Variants in WDR41 observed in about 807,000 individuals in gnomAD.
The protein encoded by WDR41 is WD repeat-containing protein 41.
WDR41 carries 63 observed loss-of-function variants against 69.3 expected under a neutral mutation model. The observed-to-expected ratio is 0.91, with a 90% CI of 0.74 to 1.12. The LOEUF is 1.12. Ranked by LOEUF, WDR41 falls within the 50% of genes most tolerant of loss-of-function variation. The pLI is 0.00. For synonymous variants in WDR41, 185 were observed against 192.1 expected, an observed-to-expected ratio of 0.96 and a Z score of 0.31; for missense variants, 543 against 534.5, an observed-to-expected ratio of 1.02 and a Z score of -0.16.
chr5:77,473,860 T>C (rs1391232320), intron 2 of WDR41, among the ~76,000 whole-genome samples: 1 of 151,972 alleles, frequency 6.6e-6, no homozygotes, highest in Non-Finnish European at 1.5e-5. Context: ...CTTCAACCAT[T>C]GTGGAAGTCA....
intron 1 of WDR41, among the ~76,000 whole-genome samples, chr5:77,610,894 C>T (rs1744532679): frequency 6.6e-6 from 1 of 151,938 alleles, no homozygotes; most frequent in African/African-American, 2.4e-5. Context: ...CATCAGTGTG[C>T]TGTATTCAGG....
chr5:77,495,138 T>G (rs888596733), upstream of WDR41, among the ~76,000 whole-genome samples: 2 of 152,188 alleles, frequency 1.3e-5, no homozygotes, highest in African/African-American at 4.8e-5. Flanking sequence ...AAAGCAGTAC[T>G]TAAAGGGAAA....
rs1339832303 is a variant in WDR41 at position 77,582,311 on chromosome 5, A to G, written c.42+38168T>C. 6.9e-6 allele frequency: 10 copies of G among 1,443,020 alleles called. No individual in the cohort carries two copies. The African/African-American group carries it at 1.4e-4, about 20-fold the overall frequency. 89.4% of individuals were successfully genotyped at this position (1,443,020 alleles called of 1,614,324 possible). On this transcript the variant is annotated intron_variant, in intron 1 of 5. Transcript: ENST00000509971. ...GCAAGAAAGTAGACAATATGCATAGATATATAACAAGTTAACAAGTGCAGA... is the reference window on the plus strand; with the variant it reads ...GCAAGAAAGTAGACAATATGCATAGGTATATAACAAGTTAACAAGTGCAGA...
At chr5:77,467,401 C>T (rs530922959) in intron 2 of WDR41, among the ~76,000 whole-genome samples, 3 of 151,936 alleles carry the variant, frequency 2.0e-5, no homozygotes, top group Non-Finnish European at 4.4e-5. Context: ...GCTTTGAGAT[C>T]TTAAAACTTT....
rs967910296 is a variant in WDR41 at position 77,519,886 on chromosome 5, AT to A, written c.43-30315del. 1.8e-4 allele frequency among the ~76,000 whole-genome samples: 27 copies of A among 151,660 alleles called. No individual in the cohort carries two copies. In the Middle Eastern group the frequency reaches 0.014, roughly 76 times the overall value. Reference sequence around the variant, plus strand: ...AGCCCTTGGATTGCTCATTGAAAATATTTTTTTAAATTATTCTTAATAAAAT... The same window carrying A: ...AGCCCTTGGATTGCTCATTGAAAATATTTTTTAAATTATTCTTAATAAAAT... On this transcript the variant is annotated intron_variant, in intron 1 of 5. Coordinates refer to the WDR41 transcript ENST00000509971.
intron 1 of WDR41, among the ~76,000 whole-genome samples, chr5:77,531,512 G>A (rs1802528477): frequency 2.0e-5 from 3 of 151,964 alleles, no homozygotes; most frequent in South Asian, 2.1e-4. Context: ...AAGTGTTGGT[G>A]AGGATGTGAA....
intron 1 of WDR41, among the ~76,000 whole-genome samples, chr5:77,566,980 G>A (rs573478726): frequency 6.6e-6 from 1 of 152,240 alleles, no homozygotes; most frequent in South Asian, 2.1e-4. Context: ...TCATAGGAGA[G>A]CCAATATGGT....
chr5:77,548,009 G>A (rs1343570404), intron 1 of WDR41, among the ~76,000 whole-genome samples: 1 of 151,380 alleles, frequency 6.6e-6, no homozygotes, highest in Non-Finnish European at 1.5e-5. Flanking sequence ...CTTCAACAAA[G>A]CAAACAAAAA....
At chr5:77,591,141 C>T (rs1744130456) in intron 1 of WDR41, among the ~76,000 whole-genome samples, 1 of 151,864 alleles carries the variant, frequency 6.6e-6, no homozygotes, top group African/African-American at 2.4e-5. Flanking sequence ...AAGCAATTTT[C>T]ACTTTTGTTG....
chr5:77,559,529 CAG>C (rs1428751482), intron 1 of WDR41, among the ~76,000 whole-genome samples: 8 of 151,734 alleles, frequency 5.3e-5, no homozygotes, highest in African/African-American at 1.9e-4. Flanking sequence ...TAGTAGATGA[CAG>C]AATTCAATAT....
At position 77,458,926 on chromosome 5, in the gene WDR41, G is replaced by A. The variant is rs565846847; in HGVS notation, c.411+136C>T. ...TGCTCTCAAAAATCTGATCTTACACGAAGCAAATGACTACAAGTGTGTGGA... is the reference window on the plus strand; with the variant it reads ...TGCTCTCAAAAATCTGATCTTACACAAAGCAAATGACTACAAGTGTGTGGA... On this transcript the variant is annotated intron_variant, in intron 5 of 12. Coordinates refer to ENST00000296679, the MANE Select transcript of WDR41 (RefSeq NM_018268.4). The A allele has an allele frequency of 1.4e-4, 79 of 565,092 alleles. 1 individual carries two copies. In the South Asian group the frequency reaches 2.1e-3, roughly 15 times the overall value. The allele number at this position is 565,092 out of a possible 1,614,324, so 35.0% of individuals were successfully genotyped here.
intron 11 of WDR41, among the ~76,000 whole-genome samples, chr5:77,436,964 G>A (rs767697190): frequency 2.1e-4 from 32 of 152,162 alleles, no homozygotes; most frequent in Non-Finnish European, 4.1e-4. Flanking sequence ...CATAAATTAA[G>A]TTCAACATCA....
intron 1 of WDR41, among the ~76,000 whole-genome samples, chr5:77,565,059 G>T (rs1743596766): frequency 6.6e-6 from 1 of 152,054 alleles, no homozygotes; most frequent in African/African-American, 2.4e-5. Flanking sequence ...TGGGCTCCCA[G>T]CTCAGTACTT....
rs1251047206 is a variant in WDR41, at chr5:77,432,938, T to G, written c.*197A>C. On this transcript the variant is annotated 3_prime_UTR_variant, in exon 13 of 13. Coordinates refer to ENST00000296679, the MANE Select transcript of WDR41 (RefSeq NM_018268.4). ...GTCAAATGGAAAAACTTGTGGTATA[T>G]TCTTTGGAGGATATACTAGGACCTG... 3 of 519,438 alleles carry G rather than the reference T, an allele frequency of 5.8e-6. No individual in the cohort carries two copies. Among genetic ancestry groups the G allele is most frequent in the Non-Finnish European group, 9.9e-6 (3 of 303,946 alleles). The allele number at this position is 519,438 out of a possible 1,614,324, so 32.2% of individuals were successfully genotyped here. A position where few individuals can be genotyped will look rare whatever the true frequency, so the allele number is the denominator to read the frequency against.
At chr5:77,481,582 C>T (rs527465298) in intron 2 of WDR41, among the ~76,000 whole-genome samples, 9 of 152,022 alleles carry the variant, frequency 5.9e-5, no homozygotes, top group South Asian at 2.1e-4. Flanking sequence ...ATCAGGAGTT[C>T]GAGACCAGCC....
Position 77,546,156 on chromosome 5 carries a change from G to C in WDR41, c.43-56584C>G, listed in dbSNP as rs144652246. On this transcript the variant is annotated intron_variant, in intron 1 of 5. Transcript: ENST00000509971. ...CTACTTGACCTCCGACCTCTGGAAG[G>C]AGACTGTATTCACCAAGTCTCCCTA... The C allele has an allele frequency of 5.3e-4, 251 of 471,636 alleles. 3 individuals carry two copies. The Admixed American group carries it at 8.1e-3, about 15-fold the overall frequency. The allele number at this position is 471,636 out of a possible 1,614,324, so 29.2% of individuals were successfully genotyped here. A position where few individuals can be genotyped will look rare whatever the true frequency, so the allele number is the denominator to read the frequency against.
chr5:77,505,258 G>A (rs1290839921), intron 1 of WDR41, among the ~76,000 whole-genome samples: 1 of 152,078 alleles, frequency 6.6e-6, no homozygotes, highest in Non-Finnish European at 1.5e-5. Flanking sequence ...GCCAAATCAT[G>A]AGTGAACGCC....
upstream of WDR41, among the ~76,000 whole-genome samples, chr5:77,496,990 A>T (rs1002122245): frequency 6.6e-6 from 1 of 152,174 alleles, no homozygotes; most frequent in South Asian, 2.1e-4. Context: ...AGACCATCCA[A>T]TGGGGAAAGG....
chr5:77,556,095 C>CTTTT lies in WDR41; in HGVS notation c.42+64380_42+64383dup, dbSNP rs34372647. On this transcript the variant is annotated intron_variant, in intron 1 of 5. Transcript: ENST00000509971. ...ACAAAGGTGGTGGGGAAAAGATGGA[C>CTTTT]TTTTTTTTTTTTTTTTTTTTTTTTT... 3.6e-4 allele frequency among the ~76,000 whole-genome samples: 21 copies of CTTTT among 57,692 alleles called. 3 individuals carry two copies. The highest frequency in any genetic ancestry group is 5.8e-4 in the African/African-American group (8 of 13,822). 37.8% of individuals were successfully genotyped at this position (57,692 alleles called of 152,430 possible). A position where few individuals can be genotyped will look rare whatever the true frequency, so the allele number is the denominator to read the frequency against.
Sources: allele counts gnomAD v4.1 joint callset (sites outside exome capture counted in the v4.1 genomes callset), GRCh38; gene constraint gnomAD v4.1.1; transcripts MANE v1.5; gene names NCBI Gene and HGNC (gene_info 2026-07-23, HGNC 2026-07-21).